Variants in ANO6 observed in about 807,000 individuals in gnomAD.
ANO6 encodes the protein anoctamin-6.
ANO6 carries 106 observed loss-of-function variants against 117.5 expected under a neutral mutation model. The observed-to-expected ratio is 0.90, with a 90% CI of 0.77 to 1.06. The LOEUF is 1.06. Among genes scored for constraint, ANO6 ranks in the 50% least tolerant of loss-of-function variants. The pLI is 0.00. For missense variants in ANO6, 955 were observed against 1,121.1 expected, an observed-to-expected ratio of 0.85 and a Z score of 2.12; for synonymous variants, 367 against 385.1, an observed-to-expected ratio of 0.95 and a Z score of 0.55.
chr12:45,223,015 T>C (rs1947428837), intron 1 of ANO6, among the ~76,000 whole-genome samples: 1 of 152,228 alleles, frequency 6.6e-6, no homozygotes, highest in South Asian at 2.1e-4. Flanking sequence ...ACAGTGGAGG[T>C]ACCTGAAGGT....
At chr12:45,334,234 G>T (rs1225937951) in intron 3 of ANO6, among the ~76,000 whole-genome samples, 1 of 152,050 alleles carries the variant, frequency 6.6e-6, no homozygotes. Context: ...ACTGGGCTTG[G>T]CACAGAATGT....
At chr12:45,222,465 C>G (rs1947418785) in intron 1 of ANO6, among the ~76,000 whole-genome samples, 2 of 152,086 alleles carry the variant, frequency 1.3e-5, no homozygotes, top group Non-Finnish European at 2.9e-5. Context: ...CCAGACCATT[C>G]CCCTTCATAG....
intron 3 of ANO6, among the ~76,000 whole-genome samples, chr12:45,346,019 T>A (rs759423700): frequency 6.6e-6 from 1 of 151,628 alleles, no homozygotes; most frequent in Non-Finnish European, 1.5e-5. Flanking sequence ...GGGGCCAAAC[T>A]TTTATAAGGA....
intron 1 of ANO6, among the ~76,000 whole-genome samples, chr12:45,277,585 A>G (rs1938594227): frequency 6.6e-6 from 1 of 152,170 alleles, no homozygotes; most frequent in Non-Finnish European, 1.5e-5. Flanking sequence ...TTGATGGAGC[A>G]TATTTCTCAG....
intron 1 of ANO6, among the ~76,000 whole-genome samples, chr12:45,285,532 G>A (rs1180569187): frequency 6.6e-6 from 1 of 152,048 alleles, no homozygotes; most frequent in Non-Finnish European, 1.5e-5. Flanking sequence ...TCACAGGTCA[G>A]GAGATCACCA....
At chr12:45,285,608 A>T (rs1384982885) in intron 1 of ANO6, among the ~76,000 whole-genome samples, 1 of 152,144 alleles carries the variant, frequency 6.6e-6, no homozygotes, top group Non-Finnish European at 1.5e-5. Context: ...ACGCACCTGT[A>T]GTCCCAGCTA....
intron 8 of ANO6, among the ~76,000 whole-genome samples, chr12:45,360,141 A>G (rs1024396095): frequency 4.6e-5 from 7 of 152,194 alleles, no homozygotes; most frequent in African/African-American, 1.7e-4. Flanking sequence ...CATTTTTTAT[A>G]TATTTGGGAT....
intron 16 of ANO6, among the ~76,000 whole-genome samples, chr12:45,413,068 A>G (rs11612092): frequency 0.14 from 21,782 of 152,234 alleles, 2,310 homozygotes; most frequent in East Asian, 0.36. Flanking sequence ...GCTTAGCCTG[A>G]GGACTTGAAC....
intron 2 of ANO6, among the ~76,000 whole-genome samples, chr12:45,314,128 T>C (rs184442057): frequency 6.6e-6 from 1 of 152,142 alleles, no homozygotes; most frequent in Admixed American, 6.6e-5. Flanking sequence ...ACTTAGGAAG[T>C]GCTAGAGGAG....
chr12:45,219,832 T>C (rs1842651493), intron 1 of ANO6, among the ~76,000 whole-genome samples: 1 of 152,222 alleles, frequency 6.6e-6, no homozygotes, highest in Non-Finnish European at 1.5e-5. Context: ...AGGCCACTTA[T>C]TTCTAAAGCA....
chr12:45,401,724 G>C, intron 12 of ANO6, 71 bp from the exon 13 acceptor site: 1 of 1,226,660 alleles, frequency 8.2e-7, no homozygotes, highest in Non-Finnish European at 1.2e-6. Flanking sequence ...TGTTAAGTGT[G>C]AGTTCAGTTT....
intron 1 of ANO6, among the ~76,000 whole-genome samples, chr12:45,283,185 C>T (rs887110645): frequency 6.6e-6 from 1 of 152,058 alleles, no homozygotes; most frequent in Admixed American, 6.5e-5. Flanking sequence ...TTTGTGAGGT[C>T]GAAGTATATG....
chr12:45,273,156 GA>G (rs1938443188), intron 1 of ANO6, among the ~76,000 whole-genome samples: 2 of 152,128 alleles, frequency 1.3e-5, no homozygotes, highest in Non-Finnish European at 2.9e-5. Context: ...GGGGAAATGA[GA>G]CATGTTGGTC....
chr12:45,230,708 A>C (rs188367611), intron 1 of ANO6, among the ~76,000 whole-genome samples: 2 of 152,192 alleles, frequency 1.3e-5, no homozygotes, highest in African/African-American at 4.8e-5. Context: ...TCTATGGAAT[A>C]AGAGCATTTC....
chr12:45,399,945 G>T (rs1336722648), intron 12 of ANO6, among the ~76,000 whole-genome samples: 4 of 152,146 alleles, frequency 2.6e-5, no homozygotes, highest in African/African-American at 9.7e-5. Flanking sequence ...AAATATTGAA[G>T]TATGGGAAGC....
intron 9 of ANO6, among the ~76,000 whole-genome samples, chr12:45,369,064 ATC>A (rs1941757402): frequency 6.6e-6 from 1 of 152,184 alleles, no homozygotes; most frequent in Non-Finnish European, 1.5e-5. Context: ...CTTTACTCAG[ATC>A]CAGCTCTGTT....
intron 1 of ANO6, among the ~76,000 whole-genome samples, chr12:45,292,122 A>G (rs1001589614): frequency 2.0e-5 from 3 of 152,268 alleles, no homozygotes; most frequent in Non-Finnish European, 4.4e-5. Flanking sequence ...ACGAAGTATT[A>G]TTCTGTCATA....
chr12:45,331,211 T>A, intron 2 of ANO6, 84 bp from the exon 3 acceptor site: 2 of 1,251,190 alleles, frequency 1.6e-6, no homozygotes, highest in Non-Finnish European at 2.3e-6. Context: ...ACAATAAACC[T>A]ATTAAAGCTT....
At chr12:45,220,309 TGTA>T in intron 1 of ANO6, among the ~76,000 whole-genome samples, 1 of 119,456 alleles carries the variant, frequency 8.4e-6, no homozygotes, top group Non-Finnish European at 1.7e-5. Context: ...CTAATGGTCA[TGTA>T]TGTCATTGAG....
Sources: gnomAD v4.1 joint callset for allele counts (sites outside exome capture counted in the v4.1 genomes callset) on GRCh38, gnomAD v4.1.1 for gene constraint, MANE v1.5 for transcripts, NCBI Gene and HGNC (gene_info 2026-07-23, HGNC 2026-07-21) for gene names.